Variants in SLC35F5 observed in about 807,000 individuals in gnomAD.
The protein encoded by SLC35F5 is HCV NS5A-transactivated protein 3.
In SLC35F5, 54 loss-of-function variants were observed where a neutral mutation model predicts 68.6. The observed-to-expected ratio is 0.79, with a 90% confidence interval of 0.63 to 0.99. The LOEUF is 0.99. Ranked by LOEUF, SLC35F5 falls within the 50% of genes least tolerant of loss-of-function variation. The pLI is 0.00. For synonymous variants in SLC35F5, 211 were observed against 205.2 expected (o/e 1.03, Z -0.24); for missense variants, 567 against 626.9 (o/e 0.90, Z 1.02).
At chr2:113,729,003 C>T (rs1307088494) in intron 11 of SLC35F5, among the ~76,000 whole-genome samples, 3 of 152,200 alleles carry the variant, frequency 2.0e-5, no homozygotes. Context: ...CAGCATTAAA[C>T]ATATAATTCG....
intron 3 of SLC35F5, among the ~76,000 whole-genome samples, 183 bp downstream of exon 3, chr2:113,754,982 T>G (rs1370962234): frequency 1.3e-5 from 2 of 152,132 alleles, no homozygotes; most frequent in Admixed American, 1.3e-4. Context: ...TATGAAACAA[T>G]AAAAAGGATC....
At chr2:113,755,425 G>A (rs759039662) in intron 2 of SLC35F5, 29 bp downstream of exon 2, 3 of 1,610,882 alleles carry the variant, frequency 1.9e-6, no homozygotes, top group South Asian at 2.2e-5. Flanking sequence ...CAGTGTGAAA[G>A]TTACATAGAG....
Position 113,729,609 on chromosome 2 carries a change from GAA to G in SLC35F5, c.986-106_986-105del, listed in dbSNP as rs751683248. The G allele has an allele frequency of 7.2e-5, 48 of 664,532 alleles. 1 individual carries two copies. The highest frequency in any genetic ancestry group is 1.2e-4 in the Non-Finnish European group (44 of 376,944). The allele number at this position is 664,532 out of a possible 1,614,324, so 41.2% of individuals were successfully genotyped here. A position where few individuals can be genotyped will look rare whatever the true frequency, so the allele number is the denominator to read the frequency against. ...TAATATTGCAAGAATATACAAAAGT[GAA>G]AAGATATATAATGATATAAATCACC... On this transcript the variant is annotated intron_variant, in intron 10 of 15. Coordinates refer to ENST00000245680, the MANE Select transcript of SLC35F5 (RefSeq NM_025181.5).
At chr2:113,752,591 A>G (rs558834817) in intron 3 of SLC35F5, among the ~76,000 whole-genome samples, 21 of 152,322 alleles carry the variant, frequency 1.4e-4, no homozygotes, top group Admixed American at 9.8e-4. Context: ...CCCCAAGGAA[A>G]CAATCAGCCA....
chr2:113,750,152 A>T (rs1216878553), intron 4 of SLC35F5, among the ~76,000 whole-genome samples: 2 of 152,196 alleles, frequency 1.3e-5, no homozygotes, highest in African/African-American at 4.8e-5. Context: ...TTTCATCTTC[A>T]TTGCCACATT....
chr2:113,755,054 T>G (rs547080792), intron 3 of SLC35F5, 111 bp downstream of exon 3: 3 of 1,112,258 alleles, frequency 2.7e-6, no homozygotes, highest in South Asian at 3.5e-5. Flanking sequence ...TCAATAGTAT[T>G]TAAGATACTG....
At chr2:113,715,465 CAA>C (rs1687143625) in intron 15 of SLC35F5, among the ~76,000 whole-genome samples, 1 of 152,122 alleles carries the variant, frequency 6.6e-6, no homozygotes, top group African/African-American at 2.4e-5. Context: ...CCTGCAAAGA[CAA>C]AGTCACCTGC....
At chr2:113,728,601 A>T (rs1687757364) in intron 11 of SLC35F5, among the ~76,000 whole-genome samples, 2 of 152,216 alleles carry the variant, frequency 1.3e-5, no homozygotes, top group Admixed American at 6.5e-5. Context: ...CCTAAATCAC[A>T]GTTTAGAGGC....
At chr2:113,741,698 T>TAA (rs201668517) in intron 7 of SLC35F5, among the ~76,000 whole-genome samples, 5 of 91,908 alleles carry the variant, frequency 5.4e-5, no homozygotes, top group Non-Finnish European at 6.7e-5. Context: ...CGAAACTCCA[T>TAA]TAAAAAAAAA....
At chr2:113,722,335 G>A (rs1687476929) in intron 13 of SLC35F5, among the ~76,000 whole-genome samples, 7 of 152,036 alleles carry the variant, frequency 4.6e-5, no homozygotes. Context: ...ATAAGCCTTT[G>A]GGCCTTGAAG....
In SLC35F5 at chr2:113,708,442, C is replaced by T. The variant is rs1248237721; in HGVS notation, c.*6776G>A. On this transcript the variant is annotated 3_prime_UTR_variant, in exon 16 of 16. Transcript: ENST00000245680. ...CTGGATAGCTGGGCGCAGTGGCTCA[C>T]ACCCGTAATCCCAGCACTTTGGGAG... Among the ~76,000 whole-genome samples the T allele has an allele frequency of 1.3e-5, 2 of 152,172 alleles. No individual in the cohort carries two copies. Among genetic ancestry groups the T allele is most frequent in the Non-Finnish European group, 2.9e-5 (2 of 68,032 alleles).
chr2:113,731,932 G>T (rs1016942451), intron 9 of SLC35F5, among the ~76,000 whole-genome samples: 12 of 152,068 alleles, frequency 7.9e-5, no homozygotes, highest in African/African-American at 2.7e-4. Flanking sequence ...ACACAAAGAG[G>T]TAAGGTAACT....
In SLC35F5 at chr2:113,709,219, C is replaced by T. The variant is rs1686893258; in HGVS notation, c.*5999G>A. Among the ~76,000 whole-genome samples, 1 of 151,314 alleles carries T rather than the reference C, an allele frequency of 6.6e-6. No individual in the cohort carries two copies. The highest frequency in any genetic ancestry group is 2.4e-5 in the African/African-American group (1 of 41,006). ...ACTGTTATTCACTCTTTACAAAGCA[C>T]TAAGTACACACAGGTGTTTGGCATT... On this transcript the variant is annotated 3_prime_UTR_variant, in exon 16 of 16. Transcript: ENST00000245680.
chr2:113,742,723 A>G lies in SLC35F5; in HGVS notation c.719T>C (p.Val240Ala). ...KTVGKLTATQ[V>A]AKISFFFCFV... ...GCAAAAAAAAAAGCTAATTTTCGCT[A>G]CTTGAGTTGCAGTAAGTTTCCCCAC... Residue 240 changes from valine (V) to alanine (A), a missense_variant, in exon 7 of 16, where the codon GTA becomes GCA. Transcript: ENST00000245680. The G allele has an allele frequency of 6.2e-7, 1 of 1,614,048 alleles. No homozygotes were observed. The highest frequency in any genetic ancestry group is 1.7e-5 in the Admixed American group (1 of 60,022).
At chr2:113,719,088 C>T in intron 14 of SLC35F5, 66 bp downstream of exon 14, 1 of 1,432,018 alleles carries the variant, frequency 7.0e-7, no homozygotes, top group Non-Finnish European at 9.5e-7. Context: ...GCTAGGCCAG[C>T]ATGATGCAAT....
intron 4 of SLC35F5, among the ~76,000 whole-genome samples, chr2:113,749,174 A>C (rs1676637972): frequency 6.6e-6 from 1 of 152,172 alleles, no homozygotes. Flanking sequence ...TACAGGCATG[A>C]GCCACCAAGC....
At chr2:113,723,864 A>G (rs1687553865) in intron 12 of SLC35F5, among the ~76,000 whole-genome samples, 1 of 152,190 alleles carries the variant, frequency 6.6e-6, no homozygotes, top group Admixed American at 6.5e-5. Context: ...GTTGAATTGA[A>G]AGAAAATATT....
In SLC35F5 at chr2:113,750,450, C is replaced by A; in HGVS notation, c.392G>T (p.Gly131Val). 1 of 1,606,362 alleles carries A rather than the reference C, an allele frequency of 6.2e-7. No homozygotes were observed. Among genetic ancestry groups the A allele is most frequent in the Non-Finnish European group, 8.5e-7 (1 of 1,176,654 alleles). ...AAAAGCAGCATGCTTTCCGCGAAGT[C>A]CTCTTGTACACTGTTGTCTCCATGG... is the stretch of plus-strand genomic sequence containing the variant. ...WKPWRQQCTR[G>V]LRGKHAAFFA... Residue 131 changes from glycine (G) to valine (V), a missense_variant, in exon 4 of 16, where the codon GGA becomes GTA. By Grantham distance (109) the Gly-to-Val change is moderately radical. Coordinates refer to ENST00000245680, the MANE Select transcript of SLC35F5 (RefSeq NM_025181.5).
At chr2:113,706,119 C>T (rs960455230), downstream of SLC35F5, among the ~76,000 whole-genome samples, 11 of 152,136 alleles carry the variant, frequency 7.2e-5, no homozygotes, top group Non-Finnish European at 4.4e-5. Flanking sequence ...AATATGGTCC[C>T]CAGTGCAAAT....
Sources: allele counts gnomAD v4.1 joint callset (sites outside exome capture counted in the v4.1 genomes callset), GRCh38; gene constraint gnomAD v4.1.1; transcripts MANE v1.5; gene names NCBI Gene and HGNC (gene_info 2026-07-23, HGNC 2026-07-21).